The following FREM1 variants were observed in gnomAD, a reference collection of about 807,000 sequenced individuals.
FREM1 encodes the protein FRAS1-related extracellular matrix protein 1.
In FREM1, 220 loss-of-function variants were observed where a neutral mutation model predicts 210.1. The ratio of observed to expected loss-of-function variants is 1.05; its 90% CI spans 0.94 to 1.17. The LOEUF (loss-of-function observed/expected upper bound fraction) is 1.17, where lower values mean the gene tolerates loss of function less well. Ranked by LOEUF, FREM1 falls within the 50% of genes most tolerant of loss-of-function variation. FREM1 has a pLI of 0.00. For missense variants in FREM1, 3,454 were observed against 2,675.5 expected, an observed-to-expected ratio of 1.29 and a Z score of -6.42; for synonymous variants, 1,189 against 980.2, an observed-to-expected ratio of 1.21 and a Z score of -3.98.
chr9:14,739,476 A>ATATATATAATTCATATATATAT, intron 36 of FREM1, among the ~76,000 whole-genome samples: 1 of 100,096 alleles, frequency 1.0e-5, no homozygotes, highest in Non-Finnish European at 2.2e-5. Context: ...ATATATATAT[A>ATATATATAATTCATATATATAT]ATTCATATAT....
intron 15 of FREM1, among the ~76,000 whole-genome samples, chr9:14,815,570 C>G (rs1397144129): frequency 6.6e-6 from 1 of 152,168 alleles, no homozygotes; most frequent in East Asian, 1.9e-4. Context: ...ACCTGCAAAT[C>G]CTCTGAGTTA....
chr9:14,801,939 C>G lies in FREM1; in HGVS notation c.3472-65G>C, dbSNP rs116558476. On this transcript the variant is annotated intron_variant, in intron 19 of 36. Coordinates refer to ENST00000380880, the MANE Select transcript of FREM1 (RefSeq NM_001379081.2). Reference sequence around the variant, plus strand: ...AGACAACTTGTCTTTCTTTGGAAAACTGCTTAAAGAAATCACTTGAATATA... The same window carrying G: ...AGACAACTTGTCTTTCTTTGGAAAAGTGCTTAAAGAAATCACTTGAATATA... 1,658 of 1,217,458 alleles carry G rather than the reference C, an allele frequency of 1.4e-3. 16 individuals are homozygous for G. The African/African-American group carries it at 0.023, about 17-fold the overall frequency. The allele number at this position is 1,217,458 out of a possible 1,614,324, so 75.4% of individuals were successfully genotyped here. A position where few individuals can be genotyped will look rare whatever the true frequency, so the allele number is the denominator to read the frequency against.
At chr9:14,848,963 C>G (rs143552740) in intron 6 of FREM1, among the ~76,000 whole-genome samples, 190 bp from the exon 7 acceptor site, 4 of 152,118 alleles carry the variant, frequency 2.6e-5, no homozygotes, top group Non-Finnish European at 1.5e-5. Context: ...CTTACTTTAA[C>G]GGTATTTTTA....
chr9:14,782,444 T>A, intron 24 of FREM1: 1 of 541,232 alleles, frequency 1.8e-6, no homozygotes, highest in Non-Finnish European at 2.4e-6. Context: ...TTCAAGACAG[T>A]CACTAATGTC....
chr9:14,769,366 C>A (rs990260811), intron 27 of FREM1, among the ~76,000 whole-genome samples: 8 of 152,132 alleles, frequency 5.3e-5, no homozygotes, highest in Non-Finnish European at 1.2e-4. Flanking sequence ...CTAACACGGT[C>A]CTAGAGTGAC....
intron 7 of FREM1, among the ~76,000 whole-genome samples, chr9:14,847,554 C>T (rs192399950): frequency 8.6e-4 from 130 of 152,034 alleles, no homozygotes; most frequent in Admixed American, 1.3e-3. Context: ...CAAGGCATCA[C>T]GGAGCACAGC....
In FREM1 at chr9:14,813,072, A is replaced by C; in HGVS notation, c.2641-8T>G. Reference sequence around the variant, plus strand: ...ATCGTTGACAGGGAATACCTAGGCAATGGAAAAAATGCATGTTTTCAGAAA... The same window carrying C: ...ATCGTTGACAGGGAATACCTAGGCACTGGAAAAAATGCATGTTTTCAGAAA... On this transcript the variant is annotated splice_region_variant and splice_polypyrimidine_tract_variant and intron_variant, in intron 15 of 36. Transcript: ENST00000380880. 1 of 1,589,554 alleles carries C rather than the reference A, an allele frequency of 6.3e-7. No individual in the cohort carries two copies. Among genetic ancestry groups the C allele is most frequent in the South Asian group, 1.1e-5 (1 of 88,314 alleles).
intron 20 of FREM1, among the ~76,000 whole-genome samples, chr9:14,801,255 C>G (rs1001356400): frequency 6.6e-6 from 1 of 152,208 alleles, no homozygotes; most frequent in Non-Finnish European, 1.5e-5. Flanking sequence ...GTCTTCGTCT[C>G]CCAAAGTTTT....
intron 20 of FREM1, among the ~76,000 whole-genome samples, chr9:14,801,006 T>G (rs1387117923): frequency 1.3e-5 from 2 of 152,212 alleles, no homozygotes; most frequent in African/African-American, 2.4e-5. Flanking sequence ...GTTTGTTTGT[T>G]TTTTGACAGA....
rs139999201 is a variant in FREM1 at position 14,745,287 on chromosome 9, C to G, written c.6254+1066G>C. Among the ~76,000 whole-genome samples the G allele has an allele frequency of 2.5e-3, 382 of 152,262 alleles. 4 individuals carry two copies. The highest frequency in any genetic ancestry group is 8.8e-3 in the African/African-American group (364 of 41,552). ...AAAATAAAAGTTTAAAAATTAAAAA[C>G]AAATTTGGATTGTCATATTTATACT... On this transcript the variant is annotated intron_variant, in intron 35 of 36. Coordinates refer to ENST00000380880, the MANE Select transcript of FREM1 (RefSeq NM_001379081.2).
intron 15 of FREM1, among the ~76,000 whole-genome samples, chr9:14,815,350 T>G (rs1481793610): frequency 6.6e-6 from 1 of 152,220 alleles, no homozygotes; most frequent in Non-Finnish European, 1.5e-5. Flanking sequence ...CCTTCACTGC[T>G]TCTTAAAATT....
chr9:14,885,621 A>T (rs574300462), intron 1 of FREM1, among the ~76,000 whole-genome samples: 1 of 151,968 alleles, frequency 6.6e-6, no homozygotes, highest in Non-Finnish European at 1.5e-5. Context: ...GGAGTCTCAC[A>T]ATGTTGCCCA....
At chr9:14,750,088 GGACCGCTCCT>G (rs768137750) in intron 30 of FREM1, 29 bp downstream of exon 30, 2 of 1,608,658 alleles carry the variant, frequency 1.2e-6, no homozygotes, top group Non-Finnish European at 1.7e-6. Context: ...TACAGCGCCA[GGACCGCTCCT>G]GATTTCAAGA....
At chr9:14,838,081 T>A (rs1824958715) in intron 10 of FREM1, among the ~76,000 whole-genome samples, 1 of 152,212 alleles carries the variant, frequency 6.6e-6, no homozygotes, top group South Asian at 2.1e-4. Flanking sequence ...AGTTCTAGCC[T>A]TTTTTATGTC....
intron 10 of FREM1, among the ~76,000 whole-genome samples, chr9:14,834,213 T>C (rs997115060): frequency 6.6e-6 from 1 of 152,132 alleles, no homozygotes; most frequent in Non-Finnish European, 1.5e-5. Context: ...CACCCCACAC[T>C]GAGGGATGAG....
chr9:14,796,602 A>G (rs1852440078), intron 21 of FREM1, among the ~76,000 whole-genome samples: 1 of 152,120 alleles, frequency 6.6e-6, no homozygotes, highest in African/African-American at 2.4e-5. Context: ...TGTGGGAGGG[A>G]CCAGGTAGAG....
intron 1 of FREM1, among the ~76,000 whole-genome samples, chr9:14,882,555 AG>A (rs1232891574): frequency 6.6e-6 from 1 of 151,144 alleles, no homozygotes; most frequent in African/African-American, 2.4e-5. Flanking sequence ...CCTGGGTTCA[AG>A]CAATTCTCCT....
chr9:14,765,935 T>C (rs1012123217), intron 27 of FREM1, among the ~76,000 whole-genome samples: 1 of 152,258 alleles, frequency 6.6e-6, no homozygotes, highest in African/African-American at 2.4e-5. Context: ...CATTCTGTGG[T>C]CCACAAAAGT....
In FREM1 at chr9:14,868,944, C is replaced by A. The variant is rs199906654; in HGVS notation, c.34G>T (p.Val12Leu). Residue 12 changes from valine to leucine, a missense_variant, in exon 2 of 37, where the codon GTG becomes TTG. Val to Leu is a conservative substitution (Grantham distance 32). Coordinates refer to ENST00000380880, the MANE Select transcript of FREM1 (RefSeq NM_001379081.2). ...NSLSWGAANA[V>L]LLLLLLAWAS... ...CAGGCCAGGAGGAGCAGCAGCAGCA[C>A]GGCATTCGCAGCCCCCCAACTCAGA... The A allele has an allele frequency of 1.3e-6, 2 of 1,596,172 alleles. No homozygotes were observed. Among genetic ancestry groups the A allele is most frequent in the Non-Finnish European group, 1.7e-6 (2 of 1,173,186 alleles).
Sources: gnomAD v4.1 joint callset for allele counts (sites outside exome capture counted in the v4.1 genomes callset) on GRCh38, gnomAD v4.1.1 for gene constraint, MANE v1.5 for transcripts, NCBI Gene and HGNC (gene_info 2026-07-23, HGNC 2026-07-21) for gene names.